Variants in YWHAZ observed in about 807,000 individuals in gnomAD.
YWHAZ encodes tyrosine 3-monooxygenase/tryptophan 5-monooxygenase activation protein zeta, also known as 14-3-3 protein zeta/delta.
For synonymous variants in YWHAZ, 87 were observed against 103.6 expected (o/e 0.84, Z 0.97); for missense variants, 79 against 284.8 (o/e 0.28, Z 5.20).
chr8:100,940,112 T>C (rs1482711610), intron 2 of YWHAZ, among the ~76,000 whole-genome samples: 1 of 146,034 alleles, frequency 6.8e-6, no homozygotes. Context: ...AAAGAACTTA[T>C]ATCAAAAAGA....
intron 1 of YWHAZ, among the ~76,000 whole-genome samples, chr8:100,949,696 G>T (rs1181414786): frequency 6.6e-6 from 1 of 152,142 alleles, no homozygotes; most frequent in Non-Finnish European, 1.5e-5. Flanking sequence ...TGTTTCCAAT[G>T]TCATCGCTCC....
At chr8:100,946,874 A>G (rs1287724091) in intron 2 of YWHAZ, among the ~76,000 whole-genome samples, 1 of 150,446 alleles carries the variant, frequency 6.6e-6, no homozygotes, top group Non-Finnish European at 1.5e-5. Context: ...GATATTAGTT[A>G]GTAAGGTGAG....
At chr8:100,951,546 C>T in intron 1 of YWHAZ, 1 of 985,464 alleles carries the variant, frequency 1.0e-6, no homozygotes, top group Non-Finnish European at 1.2e-6. Flanking sequence ...TGGAAGCCCG[C>T]AGAGACAAGG....
rs952707122 is a variant in YWHAZ at position 100,950,988 on chromosome 8, C to T, written c.-12+941G>A. The T allele has an allele frequency of 5.8e-5, 14 of 240,524 alleles. No homozygotes were observed. The East Asian group carries it at 2.5e-3, about 43-fold the overall frequency. 14.9% of individuals were successfully genotyped at this position (240,524 alleles called of 1,614,324 possible). A position where few individuals can be genotyped will look rare whatever the true frequency, so the allele number is the denominator to read the frequency against. On this transcript the variant is annotated intron_variant, in intron 1 of 5. Transcript: ENST00000395958. ...CTAGTCCATCAAGCACGGGAGCCGACTGCGGGCTCACCACCCTGTTCTCTA... is the reference window on the plus strand; with the variant it reads ...CTAGTCCATCAAGCACGGGAGCCGATTGCGGGCTCACCACCCTGTTCTCTA...
At position 100,929,372 on chromosome 8, in the gene YWHAZ, G is replaced by T. The variant is rs770234808; in HGVS notation, c.295-4333C>A. 5.9e-5 allele frequency among the ~76,000 whole-genome samples: 9 copies of T among 152,170 alleles called. No homozygotes were observed. In the South Asian group the frequency reaches 6.2e-4, roughly 11 times the overall value. ...GTGCCACCATACCCAGCTAACTTTT[G>T]TATCTTTAGTACCAATGGGGTTTCG... On this transcript the variant is annotated intron_variant, in intron 2 of 5. Transcript: ENST00000395958.
At chr8:100,942,570 C>G (rs1032657111) in intron 2 of YWHAZ, among the ~76,000 whole-genome samples, 4 of 152,126 alleles carry the variant, frequency 2.6e-5, no homozygotes, top group African/African-American at 9.7e-5. Flanking sequence ...CAAATGTTTT[C>G]AAGGAGAAAA....
At position 100,924,349 on chromosome 8, in the gene YWHAZ, C is replaced by T. The variant is rs766115156; in HGVS notation, c.419-51G>A. ...TGAGATAAAGTGTGCATTATATCTT[C>T]ACCCCTCAAACCAAACCTTTAATAT... On this transcript the variant is annotated intron_variant, in intron 3 of 5. Coordinates refer to ENST00000395958, the MANE Select transcript of YWHAZ (RefSeq NM_145690.3). The surrounding 1 kb of genome is among the most constrained non-coding windows in gnomAD (Gnocchi z 5.7). 14 of 1,562,684 alleles carry T rather than the reference C, an allele frequency of 9.0e-6. No individual in the cohort carries two copies. The South Asian group carries it at 1.7e-4, about 19-fold the overall frequency.
At chr8:100,940,032 C>A (rs1814515946) in intron 2 of YWHAZ, among the ~76,000 whole-genome samples, 1 of 142,740 alleles carries the variant, frequency 7.0e-6, no homozygotes, top group African/African-American at 2.7e-5. Flanking sequence ...CACTGCACTC[C>A]AGCCTGGGGG....
In YWHAZ at chr8:100,934,420, GGCTGGTTGTGGTGGCTCAC is replaced by G. The variant is rs542905849; in HGVS notation, c.295-9400_295-9382del. On this transcript the variant is annotated intron_variant, in intron 2 of 5. Coordinates refer to ENST00000395958, the MANE Select transcript of YWHAZ (RefSeq NM_145690.3). ...CAGACATTAAGAGTGAGGAGGTACG[GGCTGGTTGTGGTGGCTCAC>G]GCCTGTAATCCCACACTTTAGGAGG... Among the ~76,000 whole-genome samples, 532 of 151,938 alleles carry G rather than the reference GGCTGGTTGTGGTGGCTCAC, an allele frequency of 3.5e-3. 5 individuals are homozygous for G. Among genetic ancestry groups the G allele is most frequent in the African/African-American group, 0.012 (510 of 41,446 alleles).
upstream of YWHAZ, chr8:100,953,032 C>G (rs527471649): frequency 2.3e-5 from 23 of 999,678 alleles, no homozygotes; most frequent in Non-Finnish European, 2.6e-5. Context: ...TGGGCCGGGC[C>G]GGGCGGAGCC....
chr8:100,950,657 T>TG (rs1554618210), intron 1 of YWHAZ: 20,412 of 706,970 alleles, frequency 0.029, 117 homozygotes, highest in African/African-American at 0.089. Context: ...GCCCAAGCCG[T>TG]GGGGGGGGGG....
At chr8:100,952,120 CA>C, upstream of YWHAZ, 1 of 986,424 alleles carries the variant, frequency 1.0e-6, no homozygotes, top group South Asian at 4.6e-5. Context: ...ACGATGACGT[CA>C]AACGCTGCTA....
At chr8:100,928,886 A>G (rs1035554297) in intron 2 of YWHAZ, among the ~76,000 whole-genome samples, 7 of 152,206 alleles carry the variant, frequency 4.6e-5, no homozygotes, top group African/African-American at 1.7e-4. Flanking sequence ...GAATGGCTCC[A>G]AGAGACAAGA....
intron 1 of YWHAZ, chr8:100,950,550 T>C (rs1162446060): frequency 7.1e-6 from 7 of 985,362 alleles, no homozygotes; most frequent in African/African-American, 5.2e-5. Context: ...ACTCTCCTCC[T>C]TTGTCATGGC....
In YWHAZ at chr8:100,940,232, A is replaced by G. The variant is rs115101840; in HGVS notation, c.294+8364T>C. Among the ~76,000 whole-genome samples, 785 of 152,280 alleles carry G rather than the reference A, an allele frequency of 5.2e-3. 9 individuals carry two copies. The highest frequency in any genetic ancestry group is 0.017 in the African/African-American group (715 of 41,564). ...CCTGCGCTGAAGTTTCTCACAAACC[A>G]AGGCCCAATTTACCAGTATTTCCCT... On this transcript the variant is annotated intron_variant, in intron 2 of 5. Transcript: ENST00000395958.
At chr8:100,943,123 TAA>T (rs1229164040) in intron 2 of YWHAZ, among the ~76,000 whole-genome samples, 2 of 152,182 alleles carry the variant, frequency 1.3e-5, no homozygotes, top group Admixed American at 1.3e-4. Context: ...GAAAACATGC[TAA>T]AATTGGGTAG....
rs375430724 is a variant in YWHAZ at position 100,924,102 on chromosome 8, G to A, written c.582+33C>T. Reference sequence around the variant, plus strand: ...TTTCAGTGCTCAAATAATAAAGACTGCTAAATTTCTACGTAACAGGTAAAA... The same window carrying A: ...TTTCAGTGCTCAAATAATAAAGACTACTAAATTTCTACGTAACAGGTAAAA... On this transcript the variant is annotated intron_variant, in intron 4 of 5. Transcript: ENST00000395958. The surrounding 1 kb of genome is among the most constrained non-coding windows in gnomAD (Gnocchi z 5.7). 2.7e-5 allele frequency: 43 copies of A among 1,608,100 alleles called. No homozygotes were observed. In the African/African-American group the frequency reaches 5.1e-4, roughly 19 times the overall value.
intron 2 of YWHAZ, among the ~76,000 whole-genome samples, chr8:100,947,147 G>C (rs535435631): frequency 4.0e-5 from 6 of 151,282 alleles, no homozygotes. Flanking sequence ...TCAGCTATTC[G>C]GGAGGCTGAG....
At chr8:100,946,906 A>AAAC (rs1283892594) in intron 2 of YWHAZ, among the ~76,000 whole-genome samples, 2 of 150,866 alleles carry the variant, frequency 1.3e-5, no homozygotes, top group African/African-American at 4.9e-5. Flanking sequence ...AACAAAAAAA[A>AAAC]CAAAAAAACC....
Sources: allele counts gnomAD v4.1 joint callset (sites outside exome capture counted in the v4.1 genomes callset), GRCh38; gene constraint gnomAD v4.1.1; non-coding constraint Gnocchi (gnomAD v3.1); transcripts MANE v1.5; gene names NCBI Gene and HGNC (gene_info 2026-07-23, HGNC 2026-07-21).